The following MGAM2 variants were observed in gnomAD, a reference collection of about 807,000 sequenced individuals.
The protein encoded by MGAM2 is probable maltase-glucoamylase 2.
Under a neutral mutation model 96.1 loss-of-function variants are expected in MGAM2, and 98 were observed. That is an observed-to-expected ratio of 1.02 (90% confidence interval 0.87 to 1.21). MGAM2 has a LOEUF of 1.21. MGAM2 is among the 50% of genes most tolerant of loss of function. The pLI is 0.00. For missense variants in MGAM2, 2,055 were observed against 1,182.4 expected (o/e 1.74, Z -10.82); for synonymous variants, 749 against 414.8 (o/e 1.81, Z -9.79).
intron 42 of MGAM2, 137 bp downstream of exon 42, chr7:142,197,865 C>G: frequency 1.6e-6 from 1 of 617,206 alleles, no homozygotes; most frequent in Non-Finnish European, 2.9e-6. Flanking sequence ...TACAGGAGAT[C>G]TTTTTCTTTT....
intron 37 of MGAM2, among the ~76,000 whole-genome samples, chr7:142,190,971 C>G (rs1028638720): frequency 6.6e-6 from 1 of 151,868 alleles, no homozygotes; most frequent in African/African-American, 2.4e-5. Flanking sequence ...CCTGTCTCTA[C>G]AAAAAACAAA....
chr7:142,176,479 A>G (rs1796382863), intron 32 of MGAM2, among the ~76,000 whole-genome samples: 1 of 152,048 alleles, frequency 6.6e-6, no homozygotes, highest in Non-Finnish European at 1.5e-5. Context: ...GTGAGGGTGC[A>G]TGCATAGTCT....
chr7:142,156,792 T>A (rs79624905), intron 17 of MGAM2, among the ~76,000 whole-genome samples: 3 of 152,336 alleles, frequency 2.0e-5, no homozygotes, highest in African/African-American at 7.2e-5. Context: ...CAGGTAACTT[T>A]ATCCAAAACT....
At chr7:142,214,779 A>G (rs888453631) in intron 46 of MGAM2, among the ~76,000 whole-genome samples, 2 of 152,216 alleles carry the variant, frequency 1.3e-5, no homozygotes, top group Admixed American at 6.5e-5. Context: ...TAGAATGGCC[A>G]TTATCAAAAA....
At chr7:142,212,717 A>G (rs556589994) in intron 46 of MGAM2, among the ~76,000 whole-genome samples, 1 of 152,308 alleles carries the variant, frequency 6.6e-6, no homozygotes. Flanking sequence ...AGAGACTTAG[A>G]CTCCCACACA....
At chr7:142,184,780 G>A (rs1796645008) in intron 33 of MGAM2, among the ~76,000 whole-genome samples, 1 of 152,170 alleles carries the variant, frequency 6.6e-6, no homozygotes, top group South Asian at 2.1e-4. Context: ...TCTGTGACAA[G>A]GAGATCAGAG....
intron 3 of MGAM2, among the ~76,000 whole-genome samples, chr7:142,121,393 C>T (rs1034407234): frequency 4.6e-5 from 7 of 152,018 alleles, no homozygotes; most frequent in Non-Finnish European, 7.4e-5. Context: ...GGCCAGGAGG[C>T]CTCAAACTCC....
In MGAM2 at chr7:142,164,849, C is replaced by A; in HGVS notation, c.2485-7C>A. ...GTTTCCAATCTGACTTTTTTTTCCCCTCCCAGAACCATCTACAAGCAAAGA... is the reference window on the plus strand; with the variant it reads ...GTTTCCAATCTGACTTTTTTTTCCCATCCCAGAACCATCTACAAGCAAAGA... On this transcript the variant is annotated splice_polypyrimidine_tract_variant and splice_region_variant and intron_variant, in intron 23 of 47. Coordinates refer to ENST00000477922, the MANE Select transcript of MGAM2 (RefSeq NM_001293626.2). The A allele has an allele frequency of 4.4e-6, 3 of 674,984 alleles. No individual in the cohort carries two copies. The highest frequency in any genetic ancestry group is 3.2e-5 in the South Asian group (2 of 61,816). 41.8% of individuals were successfully genotyped at this position (674,984 alleles called of 1,614,324 possible).
chr7:142,155,570 AC>A (rs1386730598), intron 17 of MGAM2, among the ~76,000 whole-genome samples: 1 of 152,148 alleles, frequency 6.6e-6, no homozygotes, highest in Non-Finnish European at 1.5e-5. Flanking sequence ...TTTGTCTTTA[AC>A]CCAGGAAGGA....
intron 31 of MGAM2, among the ~76,000 whole-genome samples, chr7:142,175,099 C>A (rs1218413756): frequency 6.6e-6 from 1 of 152,072 alleles, no homozygotes; most frequent in Admixed American, 6.6e-5. Context: ...GAGAGGACAT[C>A]CTTGTCTTGT....
chr7:142,117,360 T>C (rs1463461273), intron 2 of MGAM2, among the ~76,000 whole-genome samples: 1 of 152,062 alleles, frequency 6.6e-6, no homozygotes, highest in Non-Finnish European at 1.5e-5. Context: ...AGGGAGGTGG[T>C]GGGATGATTA....
Position 142,131,976 on chromosome 7 carries a change from A to G in MGAM2, c.466A>G (p.Ile156Val). The G allele has an allele frequency of 1.4e-6, 1 of 702,950 alleles. No homozygotes were observed. Among genetic ancestry groups the G allele is most frequent in the Non-Finnish European group, 2.6e-6 (1 of 384,984 alleles). The allele number at this position is 702,950 out of a possible 1,614,324, so 43.5% of individuals were successfully genotyped here. A position where few individuals can be genotyped will look rare whatever the true frequency, so the allele number is the denominator to read the frequency against. Residue 156 changes from isoleucine (I) to valine (V), a missense_variant, in exon 6 of 48, where the codon ATT (isoleucine) becomes GTT (valine). Ile to Val is a conservative substitution (Grantham distance 29, BLOSUM62 3). Transcript: ENST00000477922. ...ACGCTATGAAGTTTCCCATGAAAAT[A>G]TTAACCTGGTTGATGGGATTGCTGA... ...NIRYEVSHEN[I>V]NLVDGIADAS...
intron 32 of MGAM2, among the ~76,000 whole-genome samples, chr7:142,177,794 A>G (rs1796421282): frequency 6.6e-6 from 1 of 152,188 alleles, no homozygotes; most frequent in African/African-American, 2.4e-5. Flanking sequence ...GGTTGACTTC[A>G]CATCTCTGCT....
intron 45 of MGAM2, among the ~76,000 whole-genome samples, chr7:142,207,488 C>T (rs145437885): frequency 0.011 from 1,664 of 151,946 alleles, 31 homozygotes; most frequent in African/African-American, 0.037. Context: ...TGCAGTGGCG[C>T]GATCTTGGCT....
chr7:142,209,207 T>C (rs556008049), intron 46 of MGAM2, among the ~76,000 whole-genome samples: 19 of 152,298 alleles, frequency 1.2e-4, no homozygotes, highest in African/African-American at 4.6e-4. Flanking sequence ...AGGCACGGCT[T>C]CTTCATAATT....
At chr7:142,150,537 A>G (rs1283820310) in intron 15 of MGAM2, among the ~76,000 whole-genome samples, 2 of 152,070 alleles carry the variant, frequency 1.3e-5, no homozygotes, top group African/African-American at 4.8e-5. Context: ...TTCTACTTGA[A>G]GCATAGTCCA....
At chr7:142,137,628 GTAT>G (rs1410920867) in intron 9 of MGAM2, 83 bp downstream of exon 9, 17 of 515,656 alleles carry the variant, frequency 3.3e-5, no homozygotes, top group Non-Finnish European at 5.5e-5. Context: ...AAAATAAAAG[GTAT>G]TAGTAAACTG....
At position 142,148,704 on chromosome 7, in the gene MGAM2, A is replaced by G. The variant is rs902888392; in HGVS notation, c.1634+1131A>G. 1.3e-5 allele frequency among the ~76,000 whole-genome samples: 2 copies of G among 152,190 alleles called. No individual in the cohort carries two copies. The highest frequency in any genetic ancestry group is 2.9e-5 in the Non-Finnish European group (2 of 68,030). Reference sequence around the variant, plus strand: ...AATTTGCAGCACAGATGCGGAAACTAAAGAGCTGCTGTGGATCCTCCAGTG... The same window carrying G: ...AATTTGCAGCACAGATGCGGAAACTGAAGAGCTGCTGTGGATCCTCCAGTG... On this transcript the variant is annotated intron_variant, in intron 15 of 47. Transcript: ENST00000477922. This position sits in a 1 kb window ranked among gnomAD's most constrained non-coding sequence, Gnocchi z 4.2.
chr7:142,181,503 G>T (rs1796541187), intron 32 of MGAM2, among the ~76,000 whole-genome samples: 2 of 152,194 alleles, frequency 1.3e-5, no homozygotes, highest in Admixed American at 1.3e-4. Flanking sequence ...TGGGGTGGGG[G>T]AGATGGGGGA....
Sources: gnomAD v4.1 joint callset for allele counts (sites outside exome capture counted in the v4.1 genomes callset) on GRCh38, gnomAD v4.1.1 for gene constraint, Gnocchi (gnomAD v3.1) non-coding constraint, MANE v1.5 for transcripts, NCBI Gene and HGNC (gene_info 2026-07-23, HGNC 2026-07-21) for gene names.